TAF6: variants seen among roughly 807,000 people sequenced by gnomAD.
The protein encoded by TAF6 is TATA-box binding protein associated factor 6, also known as transcription initiation factor TFIID subunit 6.
A neutral mutation model predicts 73.5 loss-of-function variants in TAF6; 50 were observed. The ratio of observed to expected loss-of-function variants is 0.68; its 90% confidence interval spans 0.54 to 0.86. TAF6 has a LOEUF of 0.86. TAF6 is among the 40% of genes least tolerant of loss of function. The probability of loss-of-function intolerance (pLI) is 0.00; values close to 1 mark genes in which losing one functional copy is unlikely to be tolerated. For missense variants in TAF6, 768 were observed against 899.5 expected, an observed-to-expected ratio of 0.85 and a Z score of 1.87; for synonymous variants, 424 against 376.7, an observed-to-expected ratio of 1.13 and a Z score of -1.45.
At chr7:100,110,874 C>G (rs1299156999) in intron 10 of TAF6, among the ~76,000 whole-genome samples, 1 of 151,138 alleles carries the variant, frequency 6.6e-6, no homozygotes, top group Non-Finnish European at 1.5e-5. Flanking sequence ...CCCAAGTACT[C>G]AAGAGTCTGA....
upstream of TAF6, among the ~76,000 whole-genome samples, chr7:100,121,857 T>C (rs60458236): frequency 0.23 from 34,029 of 150,508 alleles, 4,108 homozygotes; most frequent in East Asian, 0.31. Context: ...GAGACCATCC[T>C]GGCTAACACG....
upstream of TAF6, chr7:100,122,707 C>T: frequency 1.3e-6 from 2 of 1,533,320 alleles, no homozygotes; most frequent in East Asian, 2.3e-5. Context: ...CAGTAGTTGA[C>T]AAAACTGAAA....
intron 12 of TAF6, 81 bp from the exon 13 acceptor site, chr7:100,108,621 G>T: frequency 4.1e-6 from 6 of 1,473,294 alleles, no homozygotes; most frequent in Non-Finnish European, 5.5e-6. Context: ...ACACTCTTGA[G>T]AAGAACCTTG....
chr7:100,119,310 C>G lies in TAF6; in HGVS notation c.-166G>C. On this transcript the variant is annotated 5_prime_UTR_variant, in exon 1 of 15. Transcript: ENST00000453269. The stretch of plus-strand genomic sequence containing the variant: ...GCGGGGAGCAGGAAAACTCTAGCGG[C>G]AGCCGAGACGCTGCTCACCCGGCGC... The G allele has an allele frequency of 9.7e-7, 1 of 1,028,162 alleles. No individual in the cohort carries two copies. The highest frequency in any genetic ancestry group is 1.2e-6 in the Non-Finnish European group (1 of 854,034). The allele number at this position is 1,028,162 out of a possible 1,614,324, so 63.7% of individuals were successfully genotyped here.
intron 12 of TAF6, among the ~76,000 whole-genome samples, chr7:100,109,538 C>T (rs1193227483): frequency 6.6e-6 from 1 of 151,758 alleles, no homozygotes; most frequent in Non-Finnish European, 1.5e-5. Context: ...CCTCTGTAAC[C>T]CAGGCTGGAG....
rs769991591 is a variant in TAF6, at chr7:100,114,190, A to G, written c.20T>C (p.Leu7Pro). Reference protein sequence around the residue: MAEEKKLKLSNTVLPSE... With the variant: MAEEKKPKLSNTVLPSE... ...GGGCAGCACAGTGTTGCTAAGCTTCAGCTTCTTCTCCTCAGCCATTCTGGA... is the reference window on the plus strand; with the variant it reads ...GGGCAGCACAGTGTTGCTAAGCTTCGGCTTCTTCTCCTCAGCCATTCTGGA... The change falls in exon 2 of 15, where the codon CTG (leucine) becomes CCG (proline). Residue 7 changes from leucine (L) to proline (P), a missense_variant. Physicochemically the swap from Leu to Pro is moderately conservative, Grantham distance 98 (BLOSUM62 -3). Around this residue, in one of 5 missense-constraint regions of TAF6, gnomAD observed 269 missense variants for 268.0 expected, o/e 1.00. Transcript: ENST00000453269. 3 of 1,614,216 alleles carry G rather than the reference A, an allele frequency of 1.9e-6. No individual in the cohort carries two copies. The highest frequency in any genetic ancestry group is 2.5e-6 in the Non-Finnish European group (3 of 1,180,040).
intron 10 of TAF6, among the ~76,000 whole-genome samples, chr7:100,110,694 C>T (rs1233013595): frequency 1.3e-5 from 2 of 152,242 alleles, no homozygotes; most frequent in Non-Finnish European, 2.9e-5. Context: ...GCCTGTAATC[C>T]CAGCTACTCG....
chr7:100,120,592 C>T (rs1798006934), upstream of TAF6, among the ~76,000 whole-genome samples: 1 of 152,210 alleles, frequency 6.6e-6, no homozygotes, highest in Admixed American at 6.5e-5. Context: ...GCAGTCATGA[C>T]AGTCTCATGA....
rs533289578 is a variant in TAF6 at position 100,113,730 on chromosome 7, G to A, written c.283C>T (p.Arg95Cys). Residue 95 changes from arginine (R) to cysteine (C), a missense_variant, in exon 4 of 15, where the codon CGC becomes TGC. By Grantham distance (180) the Arg-to-Cys change is radical. Around this residue, in one of 5 missense-constraint regions of TAF6, gnomAD observed 269 missense variants for 268.0 expected, o/e 1.00. Coordinates refer to ENST00000453269, the MANE Select transcript of TAF6 (RefSeq NM_139315.3). ...TCCCGGCCCCCACCAGAGGCGAAGC[G>A]GAAAGGAATGAACTCCTGGGCGTGG... ...GFHAQEFIPF[R>C]FASGGGRELY... 17 of 1,614,070 alleles carry A rather than the reference G, an allele frequency of 1.1e-5. No individual in the cohort carries two copies. Among genetic ancestry groups the A allele is most frequent in the African/African-American group, 5.3e-5 (4 of 75,000 alleles).
At chr7:100,114,306 G>GT in intron 1 of TAF6, 38 bp from the exon 2 acceptor site, 1 of 1,592,902 alleles carries the variant, frequency 6.3e-7, no homozygotes, top group South Asian at 1.1e-5. Flanking sequence ...AAAAAGAAAC[G>GT]TGAGACACAG....
the TAF6 span, chr7:100,124,847 A>G: frequency 6.2e-7 from 1 of 1,608,586 alleles, no homozygotes; most frequent in Non-Finnish European, 8.5e-7. Context: ...CAAGATGACC[A>G]AGACAGGAAG....
chr7:100,110,333 C>T (rs771996084), intron 10 of TAF6, 59 bp from the exon 11 acceptor site: 38 of 1,563,110 alleles, frequency 2.4e-5, no homozygotes, highest in Non-Finnish European at 3.3e-5. Flanking sequence ...TTGACAGGGA[C>T]CTAAGTCTTT....
At chr7:100,110,995 A>AT in intron 10 of TAF6, 144 bp downstream of exon 10, 15 of 742,796 alleles carry the variant, frequency 2.0e-5, no homozygotes, top group Non-Finnish European at 3.1e-5. Flanking sequence ...AAAAAAAAAA[A>AT]GGTATTACAG....
At chr7:100,123,904 G>A (rs1798147400), upstream of TAF6, among the ~76,000 whole-genome samples, 1 of 152,182 alleles carries the variant, frequency 6.6e-6, no homozygotes, top group Admixed American at 6.5e-5. Flanking sequence ...GGCGAGACAG[G>A]CGGATCACGA....
the TAF6 span, chr7:100,125,640 T>TACACACAC: frequency 1.5e-4 from 22 of 151,064 alleles, no homozygotes; most frequent in African/African-American, 5.1e-4. Flanking sequence ...ACCCCAATTC[T>TACACACAC]ACACACACAC....
chr7:100,124,601 GA>G, upstream of TAF6: 1 of 1,613,402 alleles, frequency 6.2e-7, no homozygotes, highest in South Asian at 1.1e-5. Context: ...TTTTCTCTGT[GA>G]AGGTCATGTG....
chr7:100,126,612 G>A, the TAF6 span: 3 of 152,224 alleles, frequency 2.0e-5, no homozygotes, highest in Admixed American at 6.5e-5. Flanking sequence ...CCTGGCAACA[G>A]AACTAGACCG....
intron 6 of TAF6, 132 bp downstream of exon 6, chr7:100,112,666 G>A: frequency 7.6e-7 from 1 of 1,320,634 alleles, no homozygotes; most frequent in South Asian, 1.6e-5. Flanking sequence ...AGTGAGCTGA[G>A]ATCGTACCAC....
rs148215604 is a variant in TAF6, at chr7:100,111,930, A to C, written c.790T>G (p.Ser264Ala). 475 of 1,613,786 alleles carry C rather than the reference A, an allele frequency of 2.9e-4. 1 individual carries two copies. Among genetic ancestry groups the C allele is most frequent in the Non-Finnish European group, 3.6e-4 (421 of 1,179,994 alleles). ...QMLPRFSTFISEGVRVNVVQN... is the reference protein window; with the variant it reads ...QMLPRFSTFIAEGVRVNVVQN... ...GAACCTCATGCTCTCACCCCCTCCGAGATAAAGGTACTGAACCGTGGCAGC... is the reference window on the plus strand; with the variant it reads ...GAACCTCATGCTCTCACCCCCTCCGCGATAAAGGTACTGAACCGTGGCAGC... The change falls in exon 8 of 15, where the codon TCG (serine) becomes GCG (alanine). Residue 264 changes from serine to alanine, a missense_variant. Ser to Ala is a moderately conservative substitution (Grantham distance 99). This residue lies in a region of TAF6 where 78 missense variants were observed against 153.4 expected (regional missense o/e 0.51). Transcript: ENST00000453269.
Sources: allele counts gnomAD v4.1 joint callset (sites outside exome capture counted in the v4.1 genomes callset), GRCh38; gene constraint gnomAD v4.1.1; regional missense constraint gnomAD v4.1.1; transcripts MANE v1.5; gene names NCBI Gene and HGNC (gene_info 2026-07-23, HGNC 2026-07-21).